The following TLL2 variants were observed in gnomAD, a reference collection of about 807,000 sequenced individuals.
TLL2 encodes the protein tolloid-like protein 2.
In TLL2, 106 loss-of-function variants were observed where a neutral mutation model predicts 123.0. That is an observed-to-expected ratio of 0.86 (90% confidence interval 0.74 to 1.01). The LOEUF is 1.01. TLL2 is among the 50% of genes least tolerant of loss of function. The pLI is 0.00. For missense variants in TLL2, 1,332 were observed against 1,336.7 expected, an observed-to-expected ratio of 1.00 and a Z score of 0.06; for synonymous variants, 494 against 516.8, an observed-to-expected ratio of 0.96 and a Z score of 0.60.
intron 5 of TLL2, among the ~76,000 whole-genome samples, chr10:96,427,773 G>T (rs906571579): frequency 7.9e-5 from 12 of 151,942 alleles, no homozygotes; most frequent in South Asian, 4.2e-4. Context: ...GTTGGGTTTG[G>T]TTTTTTTTGT....
rs751757967 is a variant in TLL2 at position 96,386,079 on chromosome 10, T to C, written c.1989A>G (p.Glu663=). ...CGTCATTGCCTTCCAGTTCAAACAC[T>C]TCAAACTGAAGGGAGATCCGGTACT... is the stretch of plus-strand genomic sequence containing the variant. ...PAQYRISLQF[E]VFELEGNDVC... is the part of the protein sequence containing the mutation. The change falls in exon 15 of 21, where the codon GAA becomes GAG. Residue 663 remains glutamate, a synonymous_variant. Transcript: ENST00000357947. 1.2e-5 allele frequency: 19 copies of C among 1,608,306 alleles called. No individual in the cohort carries two copies. The highest frequency in any genetic ancestry group is 4.0e-5 in the African/African-American group (3 of 74,630).
Position 96,368,029 on chromosome 10 carries a change from GT to G in TLL2, c.*58del, listed in dbSNP as rs112831547. On this transcript the variant is annotated 3_prime_UTR_variant, in exon 21 of 21. Coordinates refer to ENST00000357947, the MANE Select transcript of TLL2 (RefSeq NM_012465.4). ...GGCAGATTTTCAAGGTGCTATTGTT[GT>G]TAAAAACAAAACAAAACAAAAAAAA... 2.4e-5 allele frequency: 39 copies of G among 1,602,578 alleles called. 1 individual carries two copies. In the African/African-American group the frequency reaches 2.9e-4, roughly 12 times the overall value.
At chr10:96,494,013 G>T (rs1462693423) in intron 1 of TLL2, among the ~76,000 whole-genome samples, 2 of 152,214 alleles carry the variant, frequency 1.3e-5, no homozygotes, top group Admixed American at 1.3e-4. Flanking sequence ...CCCTGCACAG[G>T]ATGCTGGTCC....
At chr10:96,380,692 C>CAAAAAAAA (rs57395382) in intron 16 of TLL2, among the ~76,000 whole-genome samples, 2 of 53,060 alleles carry the variant, frequency 3.8e-5, no homozygotes, top group African/African-American at 7.8e-5. Context: ...GACTCTATCT[C>CAAAAAAAA]AAAAAAAAAA....
chr10:96,456,371 G>A (rs1847016060), intron 2 of TLL2, among the ~76,000 whole-genome samples: 1 of 152,140 alleles, frequency 6.6e-6, no homozygotes, highest in Non-Finnish European at 1.5e-5. Context: ...AAGTTCCCAG[G>A]AGACAGGGGC....
intron 2 of TLL2, among the ~76,000 whole-genome samples, chr10:96,476,246 T>TATA (rs1564915011): frequency 6.2e-5 from 1 of 16,154 alleles, no homozygotes; most frequent in African/African-American, 1.7e-4. Flanking sequence ...ATATATTTTA[T>TATA]TTTTGTTGTT....
Position 96,397,203 on chromosome 10 carries a change from A to G in TLL2, c.1367T>C (p.Phe456Ser). 6.2e-7 allele frequency: 1 copy of G among 1,613,758 alleles called. No homozygotes were observed. Among genetic ancestry groups the G allele is most frequent in the Non-Finnish European group, 8.5e-7 (1 of 1,179,800 alleles). ...RSSSNILGKG[F>S]FAAYEATCGG... Reference sequence around the variant, plus strand: ...GCACAAACCTTCGTACGCTGCAAAGAAGCCCTTGCCCAAGATGTTGCTGCT... The same window carrying G: ...GCACAAACCTTCGTACGCTGCAAAGGAGCCCTTGCCCAAGATGTTGCTGCT... The change falls in exon 11 of 21, where the codon TTC becomes TCC. Residue 456 changes from phenylalanine (F) to serine (S), a missense_variant. Coordinates refer to ENST00000357947, the MANE Select transcript of TLL2 (RefSeq NM_012465.4).
At chr10:96,401,803 T>A (rs551338752) in intron 10 of TLL2, among the ~76,000 whole-genome samples, 86 of 152,326 alleles carry the variant, frequency 5.6e-4, no homozygotes, top group African/African-American at 2.0e-3. Context: ...TTCCTCCTCT[T>A]AAGCCTTTAA....
At chr10:96,478,675 G>C (rs1328894957) in intron 2 of TLL2, among the ~76,000 whole-genome samples, 1 of 152,242 alleles carries the variant, frequency 6.6e-6, no homozygotes, top group Non-Finnish European at 1.5e-5. Context: ...GGCAATGTGA[G>C]TGAATTTCAG....
chr10:96,511,367 C>A (rs765426185), intron 1 of TLL2, among the ~76,000 whole-genome samples: 3 of 152,188 alleles, frequency 2.0e-5, no homozygotes, highest in South Asian at 2.1e-4. Context: ...GAGATGTTAC[C>A]TTTTCCCCCA....
Position 96,422,742 on chromosome 10 carries a change from GA to G in TLL2, c.639-16del. 6.2e-7 allele frequency: 1 copy of G among 1,613,978 alleles called. No homozygotes were observed. Among genetic ancestry groups the G allele is most frequent in the African/African-American group, 1.3e-5 (1 of 75,036 alleles). On this transcript the variant is annotated splice_polypyrimidine_tract_variant and intron_variant, in intron 5 of 20. Coordinates refer to ENST00000357947, the MANE Select transcript of TLL2 (RefSeq NM_012465.4). ...AGGAGCAACAGCTGGACAATTGCAGGAATACCCAGGTCAGCAGGTCAGAAGA... is the reference window on the plus strand; with the variant it reads ...AGGAGCAACAGCTGGACAATTGCAGGATACCCAGGTCAGCAGGTCAGAAGA...
chr10:96,450,131 A>C (rs929770191), intron 2 of TLL2, among the ~76,000 whole-genome samples: 1 of 151,984 alleles, frequency 6.6e-6, no homozygotes, highest in Non-Finnish European at 1.5e-5. Context: ...GAAGGGATGG[A>C]TGGATGGGTA....
intron 16 of TLL2, among the ~76,000 whole-genome samples, chr10:96,381,047 C>A (rs1846182956): frequency 6.6e-6 from 1 of 152,088 alleles, no homozygotes; most frequent in Admixed American, 6.6e-5. Flanking sequence ...ACCTCTCTCC[C>A]TTCCTTCCTC....
At chr10:96,417,636 C>T (rs192431890) in intron 7 of TLL2, among the ~76,000 whole-genome samples, 10 of 152,276 alleles carry the variant, frequency 6.6e-5, no homozygotes, top group African/African-American at 1.9e-4. Context: ...GCAGCTTCCC[C>T]GCTTGCTCTC....
At chr10:96,389,971 T>G (rs1375788746) in intron 13 of TLL2, among the ~76,000 whole-genome samples, 1 of 152,208 alleles carries the variant, frequency 6.6e-6, no homozygotes, top group African/African-American at 2.4e-5. Context: ...GCATGGGGCC[T>G]CCCACTGTGG....
chr10:96,426,185 T>C (rs180971306), intron 5 of TLL2, among the ~76,000 whole-genome samples: 1 of 152,220 alleles, frequency 6.6e-6, no homozygotes, highest in Non-Finnish European at 1.5e-5. Flanking sequence ...AGAATAGATT[T>C]CCTAATGTTG....
chr10:96,438,885 T>C (rs1589422704), intron 3 of TLL2, among the ~76,000 whole-genome samples: 1 of 152,122 alleles, frequency 6.6e-6, no homozygotes, highest in Non-Finnish European at 1.5e-5. Context: ...TTTTGTTAAA[T>C]GTGTTTTCTT....
rs1846163886 is a variant in TLL2, at chr10:96,379,098, G to C, written c.2195-6C>G. ...CTTGGCACACTCGTCCTTATCTGGG[G>C]AGATCAATGAACTCTTCTAAGAGGA... On this transcript the variant is annotated splice_region_variant and splice_polypyrimidine_tract_variant and intron_variant, in intron 16 of 20. Coordinates refer to ENST00000357947, the MANE Select transcript of TLL2 (RefSeq NM_012465.4). 1 of 1,613,238 alleles carries C rather than the reference G, an allele frequency of 6.2e-7. No individual in the cohort carries two copies. The highest frequency in any genetic ancestry group is 2.2e-5 in the East Asian group (1 of 44,846).
intron 1 of TLL2, among the ~76,000 whole-genome samples, chr10:96,492,139 G>A (rs537992542): frequency 3.3e-5 from 5 of 151,704 alleles, no homozygotes; most frequent in East Asian, 3.9e-4. Flanking sequence ...GGACCAGGCC[G>A]AATGCCCTCT....
Sources: allele counts gnomAD v4.1 joint callset (sites outside exome capture counted in the v4.1 genomes callset), GRCh38; gene constraint gnomAD v4.1.1; transcripts MANE v1.5; gene names NCBI Gene and HGNC (gene_info 2026-07-23, HGNC 2026-07-21).